Variants in SLC7A9 observed in about 807,000 individuals in gnomAD.
SLC7A9 encodes solute carrier family 7 member 9.
A neutral mutation model predicts 54.1 loss-of-function variants in SLC7A9; 38 were observed. That is an observed-to-expected ratio of 0.70 (90% CI 0.54 to 0.92). The LOEUF is 0.92. Among genes scored for constraint, SLC7A9 ranks in the 40% least tolerant of loss-of-function variants. SLC7A9 has a pLI of 0.00. For synonymous variants in SLC7A9, 264 were observed against 258.9 expected (o/e 1.02, Z -0.19); for missense variants, 537 against 636.1 (o/e 0.84, Z 1.68).
chr19:32,837,149 T>C (rs1483650273), intron 11 of SLC7A9, among the ~76,000 whole-genome samples: 1 of 152,128 alleles, frequency 6.6e-6, no homozygotes, highest in African/African-American at 2.4e-5. Context: ...AGTGATGTTC[T>C]ATGGAAGAAC....
rs1198946434 is a variant in SLC7A9 at position 32,830,672 on chromosome 19, A to ATG, written c.1410_1411dup (p.Met471ThrfsTer7). 6.2e-7 allele frequency: 1 copy of ATG among 1,613,962 alleles called. No homozygotes were observed. Among genetic ancestry groups the ATG allele is most frequent in the African/African-American group, 1.3e-5 (1 of 75,054 alleles). On this transcript the variant is annotated frameshift_variant, in exon 13 of 13. Coordinates refer to ENST00000023064, the MANE Select transcript of SLC7A9 (RefSeq NM_014270.5). LOFTEE classifies it high-confidence loss of function. The stretch of plus-strand genomic sequence containing the variant: ...CACTTCCATTAGCATCTGAAGGTGC[A>ATG]TGGTAATCGGCTCTGAAATAAGAGT...
At chr19:32,860,288 G>T in intron 7 of SLC7A9, 1 of 1,395,026 alleles carries the variant, frequency 7.2e-7, no homozygotes, top group Non-Finnish European at 9.3e-7. Flanking sequence ...CGGGTGCAGT[G>T]GCTCACACCT....
At chr19:32,839,119 G>C (rs1302913690) in intron 11 of SLC7A9, among the ~76,000 whole-genome samples, 1 of 152,056 alleles carries the variant, frequency 6.6e-6, no homozygotes, top group Non-Finnish European at 1.5e-5. Flanking sequence ...GTTTTTGTAT[G>C]ATATTGCCAG....
At chr19:32,852,851 A>C (rs1968508135) in intron 9 of SLC7A9, among the ~76,000 whole-genome samples, 1 of 152,010 alleles carries the variant, frequency 6.6e-6, no homozygotes, top group Non-Finnish European at 1.5e-5. Context: ...GACAAGGAGA[A>C]GTCTGACGTG....
intron 9 of SLC7A9, among the ~76,000 whole-genome samples, chr19:32,850,427 A>G (rs957024217): frequency 4.6e-5 from 7 of 151,674 alleles, no homozygotes; most frequent in Non-Finnish European, 7.4e-5. Context: ...TCCCATTCAC[A>G]ATTGCTTCAA....
At chr19:32,862,726 C>A (rs1968843295) in intron 4 of SLC7A9, 140 bp from the exon 5 acceptor site, 1 of 708,724 alleles carries the variant, frequency 1.4e-6, no homozygotes, top group South Asian at 3.0e-5. Flanking sequence ...AGAGCAGTGG[C>A]ATGATCTCAG....
chr19:32,849,888 A>T (rs1307105088), intron 9 of SLC7A9, among the ~76,000 whole-genome samples: 1 of 152,000 alleles, frequency 6.6e-6, no homozygotes, highest in Non-Finnish European at 1.5e-5. Flanking sequence ...TTCGCAAATC[A>T]ATAAATGTAA....
rs752205863 is a variant in SLC7A9 at position 32,859,830 on chromosome 19, C to T, written c.873+11G>A. The T allele has an allele frequency of 6.8e-6, 11 of 1,609,618 alleles. No homozygotes were observed. The highest frequency in any genetic ancestry group is 6.7e-5 in the East Asian group (3 of 44,820). On this transcript the variant is annotated intron_variant, in intron 8 of 12. Transcript: ENST00000023064. ...CACAGCCCCCGCCAGCAGCGATGCCCGGGCACTCACCACAGCCACCGCCTG... is the reference window on the plus strand; with the variant it reads ...CACAGCCCCCGCCAGCAGCGATGCCTGGGCACTCACCACAGCCACCGCCTG...
chr19:32,848,981 A>G (rs1968383510), intron 9 of SLC7A9, among the ~76,000 whole-genome samples: 1 of 152,192 alleles, frequency 6.6e-6, no homozygotes, highest in Admixed American at 6.5e-5. Context: ...GTTCTTTGAA[A>G]CCAACGAGAA....
At chr19:32,869,103 A>T (rs901450871) in intron 1 of SLC7A9, among the ~76,000 whole-genome samples, 15 of 151,300 alleles carry the variant, frequency 9.9e-5, no homozygotes, top group Non-Finnish European at 2.2e-4. Context: ...GTGCCTGTTA[A>T]TCCCAGCTAC....
chr19:32,841,484 G>C (rs1968125647), intron 11 of SLC7A9, among the ~76,000 whole-genome samples: 1 of 152,130 alleles, frequency 6.6e-6, no homozygotes, highest in Non-Finnish European at 1.5e-5. Context: ...CCAGGACTTT[G>C]GGAAGCCAAG....
At chr19:32,833,424 C>G in intron 11 of SLC7A9, 101 bp from the exon 12 acceptor site, 1 of 967,958 alleles carries the variant, frequency 1.0e-6, no homozygotes, top group Middle Eastern at 2.7e-4. Context: ...CATGTACCCC[C>G]TCCTCCAATT....
At chr19:32,865,971 A>C (rs910161294) in intron 2 of SLC7A9, among the ~76,000 whole-genome samples, 1 of 151,950 alleles carries the variant, frequency 6.6e-6, no homozygotes, top group Non-Finnish European at 1.5e-5. Flanking sequence ...AAAAAAAAAA[A>C]AAAACCTGCA....
Position 32,864,645 on chromosome 19 carries a change from C to T in SLC7A9, c.219G>A (p.Gly73=). Residue 73 remains glycine, a synonymous_variant, in exon 3 of 13, where the codon GGG becomes GGA. Transcript: ENST00000023064. ...GPCLIIWAAC[G]VLATLGALCF... ...TCTCTTTACCCAGCGTCGCGAGGACCCCGCAAGCCGCCCATATGATGAGGC... is the reference window on the plus strand; with the variant it reads ...TCTCTTTACCCAGCGTCGCGAGGACTCCGCAAGCCGCCCATATGATGAGGC... 6.2e-7 allele frequency: 1 copy of T among 1,613,882 alleles called. No homozygotes were observed. The highest frequency in any genetic ancestry group is 2.2e-5 in the East Asian group (1 of 44,882).
intron 11 of SLC7A9, 59 bp downstream of exon 11, chr19:32,842,109 T>A: frequency 6.5e-7 from 1 of 1,542,654 alleles, no homozygotes; most frequent in Non-Finnish European, 9.0e-7. Context: ...TTTGAAAGAG[T>A]TACATCTAAT....
intron 9 of SLC7A9, among the ~76,000 whole-genome samples, chr19:32,845,202 A>C (rs1229497484): frequency 6.6e-6 from 1 of 151,704 alleles, no homozygotes; most frequent in African/African-American, 2.4e-5. Flanking sequence ...GATATAAAAA[A>C]CAGGAGCCTG....
intron 11 of SLC7A9, among the ~76,000 whole-genome samples, chr19:32,837,913 G>A (rs1396790782): frequency 6.6e-6 from 1 of 152,124 alleles, no homozygotes; most frequent in African/African-American, 2.4e-5. Flanking sequence ...CTATAGTTCA[G>A]GGTGTTAAAA....
intron 6 of SLC7A9, among the ~76,000 whole-genome samples, chr19:32,861,698 C>T (rs958276934): frequency 2.6e-4 from 40 of 152,116 alleles, no homozygotes; most frequent in African/African-American, 8.7e-4. Flanking sequence ...ATCTGTAGTC[C>T]CAGCTACTCA....
chr19:32,868,974 C>T (rs1036050505), intron 1 of SLC7A9, among the ~76,000 whole-genome samples: 9 of 151,348 alleles, frequency 5.9e-5, no homozygotes, highest in Admixed American at 5.3e-4. Context: ...TTTCGGAGGC[C>T]GAGGTGGGTG....
Sources: gnomAD v4.1 joint callset for allele counts (sites outside exome capture counted in the v4.1 genomes callset) on GRCh38, gnomAD v4.1.1 for gene constraint, MANE v1.5 for transcripts, NCBI Gene and HGNC (gene_info 2026-07-23, HGNC 2026-07-21) for gene names.